The following TM9SF2 variants were observed in gnomAD, a reference collection of about 807,000 sequenced individuals.
TM9SF2 encodes the protein 76 kDa membrane protein.
Under a neutral mutation model 84.9 loss-of-function variants are expected in TM9SF2, and 13 were observed. The ratio of observed to expected loss-of-function variants is 0.15; its 90% CI spans 0.10 to 0.24. TM9SF2 has a LOEUF of 0.24. Among genes scored for constraint, TM9SF2 ranks in the 10% least tolerant of loss-of-function variants. The pLI, the probability that TM9SF2 is intolerant of heterozygous loss-of-function variation, is 1.00. For synonymous variants in TM9SF2, 273 were observed against 285.8 expected, an observed-to-expected ratio of 0.96 and a Z score of 0.45; for missense variants, 562 against 818.5, an observed-to-expected ratio of 0.69 and a Z score of 3.82.
chr13:99,530,836 CTTA>C (rs1324724192), intron 4 of TM9SF2, among the ~76,000 whole-genome samples: 3 of 151,768 alleles, frequency 2.0e-5, no homozygotes, highest in South Asian at 2.1e-4. Flanking sequence ...GTAGTATATA[CTTA>C]TTATACAATA....
chr13:99,504,643 T>C (rs1173445893), intron 1 of TM9SF2, among the ~76,000 whole-genome samples: 1 of 152,248 alleles, frequency 6.6e-6, no homozygotes, highest in Non-Finnish European at 1.5e-5. Flanking sequence ...AATTATCTTA[T>C]GTTGAATTTA....
chr13:99,502,470 A>C (rs2046070831), intron 1 of TM9SF2, among the ~76,000 whole-genome samples: 2 of 152,324 alleles, frequency 1.3e-5, no homozygotes, highest in South Asian at 2.1e-4. Flanking sequence ...AAAAGATACG[A>C]GGTCTCACTA....
At chr13:99,559,607 T>G (rs2046336529) in intron 16 of TM9SF2, 73 bp downstream of exon 16, 1 of 1,381,666 alleles carries the variant, frequency 7.2e-7, no homozygotes, top group Non-Finnish European at 9.7e-7. Flanking sequence ...TGTTTGTCTT[T>G]TTTAAAACCC....
At position 99,547,156 on chromosome 13, in the gene TM9SF2, G is replaced by A. The variant is rs762587750; in HGVS notation, c.1270+52G>A. The A allele has an allele frequency of 1.4e-5, 23 of 1,603,886 alleles. No individual in the cohort carries two copies. In the Admixed American group the frequency reaches 2.0e-4, roughly 14 times the overall value. On this transcript the variant is annotated intron_variant, in intron 11 of 16. Coordinates refer to ENST00000376387, the MANE Select transcript of TM9SF2 (RefSeq NM_004800.3). ...TCTGATCAGGAAGGGACTCTGCTGCGGCTGTGGATCTGACCTGGGTATCAG... is the reference window on the plus strand; with the variant it reads ...TCTGATCAGGAAGGGACTCTGCTGCAGCTGTGGATCTGACCTGGGTATCAG...
At chr13:99,521,068 G>T (rs1171002877) in intron 3 of TM9SF2, among the ~76,000 whole-genome samples, 4 of 151,858 alleles carry the variant, frequency 2.6e-5, no homozygotes, top group Non-Finnish European at 5.9e-5. Context: ...TTTTGTATCT[G>T]TTCTCCTACT....
rs368078131 is a variant in TM9SF2, at chr13:99,555,613, C to A, written c.1718C>A (p.Thr573Asn). Residue 573 changes from threonine to asparagine, a missense_variant, in exon 15 of 17, where the codon ACT becomes AAT. By Grantham distance (65) the Thr-to-Asn change is moderately conservative. Around this residue, in one of 4 missense-constraint regions of TM9SF2, gnomAD observed 63 missense variants for 109.2 expected, o/e 0.58. Transcript: ENST00000376387. ...TTGGTTATTACCTGTTCTGAAGCAA[C>A]TATACTTCTTTGCTATTTCCACCTA... Reference protein sequence around the residue: ...IILVITCSEATILLCYFHLCA... With the variant: ...IILVITCSEANILLCYFHLCA... The A allele has an allele frequency of 8.1e-6, 13 of 1,613,786 alleles. No individual in the cohort carries two copies. The African/African-American group carries it at 1.5e-4, about 18-fold the overall frequency.
rs11402923 is a variant in TM9SF2 at position 99,559,830 on chromosome 13, CT to C, written c.1924+310del. Among the ~76,000 whole-genome samples the C allele has an allele frequency of 4.5e-3, 632 of 138,966 alleles. 3 individuals are homozygous for C. The highest frequency in any genetic ancestry group is 0.015 in the Middle Eastern group (4 of 268). The allele number at this position is 138,966 out of a possible 152,430, so 91.2% of individuals were successfully genotyped here. On this transcript the variant is annotated intron_variant, in intron 16 of 16. Coordinates refer to ENST00000376387, the MANE Select transcript of TM9SF2 (RefSeq NM_004800.3). ...TAACCTCTTAAAGGTACACACAGTC[CT>C]TTTTTTTTTTTTTGCCACTTCAGAA...
chr13:99,559,212 G>T (rs1293212268), intron 15 of TM9SF2, 151 bp from the exon 16 acceptor site: 2 of 606,440 alleles, frequency 3.3e-6, no homozygotes, highest in Admixed American at 3.9e-5. Flanking sequence ...GAGTGGAATG[G>T]GTGAAGTTCA....
chr13:99,506,401 A>G (rs1364749349), intron 1 of TM9SF2, among the ~76,000 whole-genome samples: 1 of 152,172 alleles, frequency 6.6e-6, no homozygotes, highest in South Asian at 2.1e-4. Context: ...GCTTCTGGGA[A>G]CTCATTAGTG....
chr13:99,514,615 C>T (rs954854826), intron 1 of TM9SF2, among the ~76,000 whole-genome samples: 1 of 152,190 alleles, frequency 6.6e-6, no homozygotes, highest in African/African-American at 2.4e-5. Flanking sequence ...GACACATGGC[C>T]GTAAAGGGTG....
intron 1 of TM9SF2, among the ~76,000 whole-genome samples, chr13:99,508,442 CA>C (rs1327016803): frequency 1.3e-3 from 194 of 150,742 alleles, no homozygotes; most frequent in African/African-American, 2.7e-3. Flanking sequence ...CACACACACA[CA>C]CCCCAGAGAT....
At chr13:99,519,939 A>T in intron 2 of TM9SF2, 97 bp from the exon 3 acceptor site, 1 of 994,584 alleles carries the variant, frequency 1.0e-6, no homozygotes, top group Non-Finnish European at 1.5e-6. Flanking sequence ...TAGAGCTGCT[A>T]CAATGATCAG....
At chr13:99,524,138 T>C (rs544380789) in intron 3 of TM9SF2, among the ~76,000 whole-genome samples, 2 of 152,326 alleles carry the variant, frequency 1.3e-5, no homozygotes, top group Non-Finnish European at 2.9e-5. Context: ...CTGAGCAAGA[T>C]GGTTAGTTAA....
At position 99,507,173 on chromosome 13, in the gene TM9SF2, A is replaced by G. The variant is rs75966285; in HGVS notation, c.171+5396A>G. ...ATTTAGTAGCTGTCTCAAGTGTACAAAGCTAGTAAGTATTAAAGCCAGAAT... is the reference window on the plus strand; with the variant it reads ...ATTTAGTAGCTGTCTCAAGTGTACAGAGCTAGTAAGTATTAAAGCCAGAAT... On this transcript the variant is annotated intron_variant, in intron 1 of 16. Coordinates refer to ENST00000376387, the MANE Select transcript of TM9SF2 (RefSeq NM_004800.3). Among the ~76,000 whole-genome samples, 837 of 152,320 alleles carry G rather than the reference A, an allele frequency of 5.5e-3. 4 individuals are homozygous for G. Among genetic ancestry groups the G allele is most frequent in the African/African-American group, 0.018 (747 of 41,564 alleles).
At chr13:99,505,984 T>C (rs2046087259) in intron 1 of TM9SF2, among the ~76,000 whole-genome samples, 3 of 152,218 alleles carry the variant, frequency 2.0e-5, no homozygotes, top group African/African-American at 7.2e-5. Context: ...TTTCCTTTGC[T>C]GTAAGGAAAA....
At chr13:99,536,558 G>C (rs758367988) in intron 4 of TM9SF2, 50 bp from the exon 5 acceptor site, 30 of 1,585,766 alleles carry the variant, frequency 1.9e-5, no homozygotes. Context: ...GTAATTCTTT[G>C]TCATGTTTGG....
intron 1 of TM9SF2, 95 bp downstream of exon 1, chr13:99,501,872 G>C: frequency 6.7e-7 from 1 of 1,501,928 alleles, no homozygotes; most frequent in Non-Finnish European, 8.9e-7. Flanking sequence ...CGAGGGAAGG[G>C]GGCGTAGCAG....
At chr13:99,507,746 T>C (rs995162186) in intron 1 of TM9SF2, among the ~76,000 whole-genome samples, 1 of 152,224 alleles carries the variant, frequency 6.6e-6, no homozygotes, top group South Asian at 2.1e-4. Flanking sequence ...AGATTTCCTT[T>C]TTTATGGCCT....
At chr13:99,514,173 A>G (rs1297008882) in intron 1 of TM9SF2, 2 of 152,214 alleles carry the variant, frequency 1.3e-5, no homozygotes, top group African/African-American at 4.8e-5. Context: ...TCACAGTGTA[A>G]TTACCTTATT....
Sources: gnomAD v4.1 joint callset for allele counts (sites outside exome capture counted in the v4.1 genomes callset) on GRCh38, gnomAD v4.1.1 for gene constraint, gnomAD v4.1.1 regional missense constraint, MANE v1.5 for transcripts, NCBI Gene and HGNC (gene_info 2026-07-23, HGNC 2026-07-21) for gene names.